TMEM217B: variants seen among roughly 807,000 people sequenced by gnomAD.
TMEM217B encodes the protein transmembrane protein 217B.
At chr6:37,226,721 C>G in the TMEM217B span, among the ~76,000 whole-genome samples, 3 of 151,960 alleles carry the variant, frequency 2.0e-5, no homozygotes, top group African/African-American at 7.3e-5. Flanking sequence ...GCAACCACAC[C>G]CAGCTAATTT....
chr6:37,240,634 T>G, the TMEM217B span, among the ~76,000 whole-genome samples: 32 of 152,174 alleles, frequency 2.1e-4, no homozygotes, highest in Admixed American at 4.6e-4. Flanking sequence ...CATAAGGGTG[T>G]AAATACCAGG....
chr6:37,246,172 T>C, the TMEM217B span, among the ~76,000 whole-genome samples: 16 of 152,228 alleles, frequency 1.1e-4, no homozygotes, highest in South Asian at 4.1e-4. Context: ...CTCTTCTACT[T>C]CTCCTCTAAT....
the TMEM217B span, among the ~76,000 whole-genome samples, chr6:37,220,305 T>G: frequency 6.6e-6 from 1 of 152,330 alleles, no homozygotes; most frequent in South Asian, 2.1e-4. Context: ...CACACTTGAT[T>G]TCATTATGAC....
the TMEM217B span, among the ~76,000 whole-genome samples, chr6:37,231,780 A>G: frequency 6.7e-6 from 1 of 148,522 alleles, no homozygotes; most frequent in African/African-American, 2.5e-5. Context: ...TATTTTTTCA[A>G]TGTAGAGATA....
chr6:37,224,421 AC>A, the TMEM217B span, among the ~76,000 whole-genome samples: 1 of 149,948 alleles, frequency 6.7e-6, no homozygotes, highest in African/African-American at 2.5e-5. Flanking sequence ...ACATGATGAA[AC>A]CCTGTCTCTA....
chr6:37,230,344 A>G, the TMEM217B span, among the ~76,000 whole-genome samples: 6 of 152,320 alleles, frequency 3.9e-5, no homozygotes, highest in African/African-American at 1.4e-4. Flanking sequence ...GTGTGATACG[A>G]GGGGGCAAAG....
chr6:37,245,619 T>A, the TMEM217B span, among the ~76,000 whole-genome samples: 1 of 152,072 alleles, frequency 6.6e-6, no homozygotes, highest in Non-Finnish European at 1.5e-5. Flanking sequence ...ATTCTCCGTA[T>A]GTGGGAAAGG....
At chr6:37,232,603 C>G in the TMEM217B span, among the ~76,000 whole-genome samples, 6 of 152,146 alleles carry the variant, frequency 3.9e-5, no homozygotes, top group Non-Finnish European at 7.4e-5. Context: ...TTAACTTCCT[C>G]TCCCGTTCTC....
chr6:37,230,272 C>A, the TMEM217B span, among the ~76,000 whole-genome samples: 1 of 152,238 alleles, frequency 6.6e-6, no homozygotes, highest in Non-Finnish European at 1.5e-5. Context: ...CCAAGATAAT[C>A]TCTTTACCTT....
At chr6:37,242,636 T>G in the TMEM217B span, among the ~76,000 whole-genome samples, 3 of 152,246 alleles carry the variant, frequency 2.0e-5, no homozygotes, top group Non-Finnish European at 4.4e-5. Flanking sequence ...CCTCATGATC[T>G]GACTGGGACC....
At chr6:37,234,300 A>G in the TMEM217B span, among the ~76,000 whole-genome samples, 1 of 152,012 alleles carries the variant, frequency 6.6e-6, no homozygotes, top group African/African-American at 2.4e-5. Context: ...GGGTTTCTCC[A>G]TGTTGGCCAG....
chr6:37,252,189 G>T, the TMEM217B span, among the ~76,000 whole-genome samples: 13 of 152,232 alleles, frequency 8.5e-5, no homozygotes, highest in South Asian at 4.1e-4. Context: ...CACTGCGCCT[G>T]GCCTGGATTT....
the TMEM217B span, among the ~76,000 whole-genome samples, chr6:37,227,731 G>T: frequency 6.6e-6 from 1 of 152,084 alleles, no homozygotes; most frequent in East Asian, 1.9e-4. Flanking sequence ...TTACAGGTAT[G>T]AGCCATTGCG....
chr6:37,239,204 A>G, the TMEM217B span, among the ~76,000 whole-genome samples: 1 of 151,066 alleles, frequency 6.6e-6, no homozygotes, highest in Non-Finnish European at 1.5e-5. Flanking sequence ...AAATTCAGTC[A>G]TGGGCTGGGC....
the TMEM217B span, among the ~76,000 whole-genome samples, chr6:37,251,658 T>A: frequency 6.6e-6 from 1 of 152,192 alleles, no homozygotes; most frequent in South Asian, 2.1e-4. Context: ...CTCTAAAACA[T>A]GCATGGGAAT....
the TMEM217B span, among the ~76,000 whole-genome samples, chr6:37,240,707 A>G: frequency 6.6e-6 from 1 of 152,188 alleles, no homozygotes; most frequent in South Asian, 2.1e-4. Context: ...GTATACATGT[A>G]TGTGTGTGTA....
chr6:37,239,001 A>G, the TMEM217B span, among the ~76,000 whole-genome samples: 1 of 152,086 alleles, frequency 6.6e-6, no homozygotes, highest in Non-Finnish European at 1.5e-5. Context: ...ATGTTGGCAC[A>G]TGCCTGTAAT....
chr6:37,218,802 G>A, the TMEM217B span: 1 of 1,614,068 alleles, frequency 6.2e-7, no homozygotes, highest in Non-Finnish European at 8.5e-7. Context: ...CAGCTGATGA[G>A]GATGGTGATG....
the TMEM217B span, among the ~76,000 whole-genome samples, chr6:37,235,761 G>A: frequency 4.8e-4 from 73 of 152,270 alleles, no homozygotes; most frequent in African/African-American, 1.7e-3. Context: ...CCAAGATGAC[G>A]CCTTGTTGCT....
Sources: allele counts gnomAD v4.1 joint callset (sites outside exome capture counted in the v4.1 genomes callset), GRCh38; gene constraint gnomAD v4.1.1; transcripts MANE v1.5; gene names NCBI Gene and HGNC (gene_info 2026-07-23, HGNC 2026-07-21).